Variants in ABTB2 observed in about 807,000 individuals in gnomAD.
The protein encoded by ABTB2 is ankyrin repeat and BTB domain containing 2, also known as ankyrin repeat and BTB/POZ domain-containing protein 2.
ABTB2 carries 56 observed loss-of-function variants against 104.1 expected under a neutral mutation model. The ratio of observed to expected loss-of-function variants is 0.54; its 90% CI spans 0.43 to 0.67. The LOEUF (loss-of-function observed/expected upper bound fraction) is 0.67, where lower values mean the gene tolerates loss of function less well. ABTB2 is among the 30% of genes least tolerant of loss of function. The pLI, the probability that ABTB2 is intolerant of heterozygous loss-of-function variation, is 0.00. For synonymous variants in ABTB2, 606 were observed against 608.2 expected, an observed-to-expected ratio of 1.00 and a Z score of 0.05; for missense variants, 1,279 against 1,407.7, an observed-to-expected ratio of 0.91 and a Z score of 1.46.
At chr11:34,311,943 C>G (rs1294906155) in intron 1 of ABTB2, among the ~76,000 whole-genome samples, 2 of 152,218 alleles carry the variant, frequency 1.3e-5, no homozygotes, top group East Asian at 3.9e-4. Flanking sequence ...GAGTTGGAGA[C>G]CAGCCTGGCC....
chr11:34,172,910 G>T (rs916145981), intron 4 of ABTB2, among the ~76,000 whole-genome samples: 8 of 152,210 alleles, frequency 5.3e-5, no homozygotes, highest in African/African-American at 1.9e-4. Context: ...GTCCCAATGT[G>T]TGTCTCCTCT....
intron 1 of ABTB2, among the ~76,000 whole-genome samples, chr11:34,278,336 G>A (rs1012313138): frequency 6.6e-6 from 1 of 152,138 alleles, no homozygotes; most frequent in African/African-American, 2.4e-5. Context: ...ACTGAACAAG[G>A]TTAAGTTTGT....
In ABTB2 at chr11:34,356,552, C is replaced by G; in HGVS notation, c.883+149G>C. 9.2e-7 allele frequency: 1 copy of G among 1,084,766 alleles called. No homozygotes were observed. The allele number at this position is 1,084,766 out of a possible 1,614,324, so 67.2% of individuals were successfully genotyped here. On this transcript the variant is annotated intron_variant, in intron 1 of 16. Coordinates refer to ENST00000435224, the MANE Select transcript of ABTB2 (RefSeq NM_145804.3). The surrounding 1 kb of genome is among the most constrained non-coding windows in gnomAD (Gnocchi z 4.6). ...CCTTAGAACAATCTCTGGCAAGTGC[C>G]ATGTAATGAACCCTATCCTCAGACC...
chr11:34,214,714 G>A (rs1235219559), intron 1 of ABTB2, among the ~76,000 whole-genome samples: 1 of 151,530 alleles, frequency 6.6e-6, no homozygotes. Context: ...CAAAACTATC[G>A]CTATTATCTT....
At chr11:34,327,577 G>C (rs965984174) in intron 1 of ABTB2, among the ~76,000 whole-genome samples, 4 of 152,126 alleles carry the variant, frequency 2.6e-5, no homozygotes, top group Non-Finnish European at 5.9e-5. Flanking sequence ...AGGAGTCAGG[G>C]ACCTTGTTGG....
intron 6 of ABTB2, 78 bp from the exon 7 acceptor site, chr11:34,167,438 G>A (rs1476201764): frequency 8.9e-7 from 1 of 1,119,852 alleles, no homozygotes; most frequent in African/African-American, 1.6e-5. Flanking sequence ...GTGAACCAGA[G>A]TTAACAAGTG....
chr11:34,268,905 G>A lies in ABTB2; in HGVS notation c.884-64215C>T, dbSNP rs545989137. Among the ~76,000 whole-genome samples the A allele has an allele frequency of 1.2e-4, 18 of 152,338 alleles. No individual in the cohort carries two copies. The East Asian group carries it at 3.5e-3, about 29-fold the overall frequency. On this transcript the variant is annotated intron_variant, in intron 1 of 16. Transcript: ENST00000435224. ...TTGGATGGGGGACCCACCCTACCCA[G>A]TGGGGCCTCATCTTAGCTAACTACA...
chr11:34,273,724 G>A (rs1411246110), intron 1 of ABTB2, among the ~76,000 whole-genome samples: 1 of 152,028 alleles, frequency 6.6e-6, no homozygotes, highest in Admixed American at 6.6e-5. Flanking sequence ...ATCCCTTTAT[G>A]CACTAGTACT....
chr11:34,231,276 T>C (rs1414531650), intron 1 of ABTB2, among the ~76,000 whole-genome samples: 1 of 152,168 alleles, frequency 6.6e-6, no homozygotes, highest in African/African-American at 2.4e-5. Flanking sequence ...TAAATACCCA[T>C]ATATGCATGC....
intron 1 of ABTB2, among the ~76,000 whole-genome samples, chr11:34,255,263 T>C (rs12288972): frequency 6.6e-6 from 1 of 152,146 alleles, no homozygotes; most frequent in African/African-American, 2.4e-5. Context: ...CCTAGAGTAA[T>C]TGTCCTGCCC....
At chr11:34,323,906 C>CTTTTTT (rs56375939) in intron 1 of ABTB2, among the ~76,000 whole-genome samples, 5 of 63,914 alleles carry the variant, frequency 7.8e-5, no homozygotes, top group Non-Finnish European at 1.1e-4. Context: ...TAAATTCCCT[C>CTTTTTT]TTTTTTTTTT....
intron 1 of ABTB2, among the ~76,000 whole-genome samples, chr11:34,207,984 A>C (rs1444226369): frequency 2.0e-5 from 3 of 152,208 alleles, no homozygotes; most frequent in Non-Finnish European, 2.9e-5. Flanking sequence ...ACAGACAAAA[A>C]GCTGTCTCTC....
intron 1 of ABTB2, among the ~76,000 whole-genome samples, chr11:34,321,541 A>G (rs898492853): frequency 2.0e-5 from 3 of 152,230 alleles, no homozygotes; most frequent in Non-Finnish European, 4.4e-5. Context: ...CAACAACTAA[A>G]AGTGGCTTAA....
intron 3 of ABTB2, among the ~76,000 whole-genome samples, chr11:34,190,386 G>T (rs1853160104): frequency 6.6e-6 from 1 of 152,192 alleles, no homozygotes. Flanking sequence ...GAGCCTGAGG[G>T]CTGACCTCAT....
chr11:34,239,814 C>T (rs1196425589), intron 1 of ABTB2, among the ~76,000 whole-genome samples: 2 of 152,132 alleles, frequency 1.3e-5, no homozygotes, highest in South Asian at 4.1e-4. Context: ...TCACTCTGCC[C>T]CTCCCCCACC....
chr11:34,220,549 A>G (rs2133050212), intron 1 of ABTB2, among the ~76,000 whole-genome samples: 1 of 152,318 alleles, frequency 6.6e-6, no homozygotes, highest in Admixed American at 6.5e-5. Context: ...CTGTGTAACC[A>G]GGAGGCAGGA....
chr11:34,273,369 G>A (rs1209922826), intron 1 of ABTB2, among the ~76,000 whole-genome samples: 1 of 152,164 alleles, frequency 6.6e-6, no homozygotes, highest in Non-Finnish European at 1.5e-5. Context: ...TGCAAGGCCC[G>A]GGGTCTCTCT....
At chr11:34,257,907 A>ATAT (rs1161783315) in intron 1 of ABTB2, among the ~76,000 whole-genome samples, 1 of 151,992 alleles carries the variant, frequency 6.6e-6, no homozygotes, top group Non-Finnish European at 1.5e-5. Context: ...CCTTGAGGAG[A>ATAT]TATTCTCTAC....
At chr11:34,305,383 A>G (rs1004940536) in intron 1 of ABTB2, among the ~76,000 whole-genome samples, 2 of 152,194 alleles carry the variant, frequency 1.3e-5, no homozygotes, top group East Asian at 3.8e-4. Flanking sequence ...AAAGAGGAAA[A>G]TCTTGCAGTT....
Sources: gnomAD v4.1 joint callset for allele counts (sites outside exome capture counted in the v4.1 genomes callset) on GRCh38, gnomAD v4.1.1 for gene constraint, Gnocchi (gnomAD v3.1) non-coding constraint, MANE v1.5 for transcripts, NCBI Gene and HGNC (gene_info 2026-07-23, HGNC 2026-07-21) for gene names.